The following C3orf20 variants were observed in gnomAD, a reference collection of about 807,000 sequenced individuals.
The protein encoded by C3orf20 is uncharacterized protein C3orf20.
C3orf20 carries 76 observed loss-of-function variants against 88.3 expected under a neutral mutation model. That is an observed-to-expected ratio of 0.86 (90% CI 0.72 to 1.04). The LOEUF (loss-of-function observed/expected upper bound fraction) is 1.04, where lower values mean the gene tolerates loss of function less well. Ranked by LOEUF, C3orf20 falls within the 50% of genes least tolerant of loss-of-function variation. The pLI, the probability that C3orf20 is intolerant of heterozygous loss-of-function variation, is 0.00. For synonymous variants in C3orf20, 436 were observed against 437.4 expected (o/e 1.00, Z 0.04); for missense variants, 1,056 against 1,123.3 (o/e 0.94, Z 0.86).
chr3:14,676,116 CT>C (rs11379457), intron 1 of C3orf20, among the ~76,000 whole-genome samples: 37 of 134,036 alleles, frequency 2.8e-4, no homozygotes, highest in African/African-American at 2.8e-4. Context: ...TCCCCCCCGC[CT>C]TTTTTTTTTT....
intron 15 of C3orf20, among the ~76,000 whole-genome samples, chr3:14,763,906 A>G (rs1365746574): frequency 2.0e-5 from 3 of 152,308 alleles, no homozygotes; most frequent in East Asian, 3.9e-4. Flanking sequence ...AAGGATTCTG[A>G]AAGAACTTAG....
At chr3:14,771,788 G>A (rs993285564) in intron 15 of C3orf20, among the ~76,000 whole-genome samples, 10 of 152,106 alleles carry the variant, frequency 6.6e-5, no homozygotes, top group African/African-American at 1.7e-4. Context: ...GGTCACTTAC[G>A]GAGCCCTCCC....
chr3:14,718,926 C>G (rs2034040169), intron 9 of C3orf20, among the ~76,000 whole-genome samples: 1 of 152,216 alleles, frequency 6.6e-6, no homozygotes, highest in Non-Finnish European at 1.5e-5. Context: ...TCTTTCTACA[C>G]TTTCCTGTGA....
chr3:14,728,752 A>G, intron 12 of C3orf20, 64 bp downstream of exon 12: 1 of 1,559,796 alleles, frequency 6.4e-7, no homozygotes. Context: ...GGCACAGGAT[A>G]GTGAACCCAA....
intron 11 of C3orf20, among the ~76,000 whole-genome samples, chr3:14,727,958 A>G (rs1235690939): frequency 6.6e-6 from 1 of 152,158 alleles, no homozygotes; most frequent in East Asian, 1.9e-4. Flanking sequence ...TGGTGAGTGA[A>G]GAGATGAGAG....
chr3:14,680,809 T>TA (rs920085305), intron 1 of C3orf20, among the ~76,000 whole-genome samples: 6 of 151,892 alleles, frequency 4.0e-5, no homozygotes, highest in Non-Finnish European at 8.8e-5. Context: ...AGTCCTGACT[T>TA]AAAAAAAAAT....
intron 4 of C3orf20, among the ~76,000 whole-genome samples, chr3:14,689,234 C>T (rs565229966): frequency 6.6e-6 from 1 of 152,124 alleles, no homozygotes; most frequent in Non-Finnish European, 1.5e-5. Flanking sequence ...TGAAAGTTGT[C>T]TTAATTTCAA....
intron 12 of C3orf20, among the ~76,000 whole-genome samples, chr3:14,754,036 A>G (rs2035290923): frequency 6.6e-6 from 1 of 152,218 alleles, no homozygotes; most frequent in South Asian, 2.1e-4. Context: ...GAAAGCTTAG[A>G]GTGTTCTCAG....
At chr3:14,722,706 A>C in intron 10 of C3orf20, 1 of 404,978 alleles carries the variant, frequency 2.5e-6, no homozygotes, top group Non-Finnish European at 5.0e-6. Flanking sequence ...CCCAGGGCCC[A>C]GCATGAGGAC....
chr3:14,752,721 A>G (rs2035254062), intron 12 of C3orf20, among the ~76,000 whole-genome samples: 2 of 152,272 alleles, frequency 1.3e-5, no homozygotes, highest in Admixed American at 1.3e-4. Flanking sequence ...TATGCAGCCA[A>G]CAGACATATG....
At chr3:14,695,498 A>G (rs563521741) in intron 5 of C3orf20, among the ~76,000 whole-genome samples, 1 of 152,268 alleles carries the variant, frequency 6.6e-6, no homozygotes, top group East Asian at 1.9e-4. Context: ...GTAAATATCT[A>G]TTAGGCCCAT....
At chr3:14,711,685 G>T (rs2033745197) in intron 7 of C3orf20, among the ~76,000 whole-genome samples, 1 of 141,644 alleles carries the variant, frequency 7.1e-6, no homozygotes, top group African/African-American at 2.6e-5. Context: ...GCCCAGGCTG[G>T]AGTGCAGTGG....
intron 4 of C3orf20, among the ~76,000 whole-genome samples, chr3:14,689,206 T>C (rs1278670939): frequency 6.6e-6 from 1 of 152,194 alleles, no homozygotes; most frequent in East Asian, 1.9e-4. Context: ...TTTTCATTTC[T>C]ACCAAGTTAG....
chr3:14,759,796 G>C (rs2035500827), intron 13 of C3orf20, 95 bp from the exon 14 acceptor site: 1 of 1,005,462 alleles, frequency 9.9e-7, no homozygotes, highest in Admixed American at 1.9e-5. Context: ...AGGGCTCCAG[G>C]ACTCAGGGGG....
At chr3:14,730,287 C>T (rs1399092193) in intron 12 of C3orf20, among the ~76,000 whole-genome samples, 2 of 152,094 alleles carry the variant, frequency 1.3e-5, no homozygotes, top group East Asian at 3.9e-4. Context: ...GTGGCCCACG[C>T]CTGTAATCCC....
chr3:14,706,304 G>C (rs1461517815), intron 7 of C3orf20, among the ~76,000 whole-genome samples: 1 of 151,886 alleles, frequency 6.6e-6, no homozygotes, highest in Non-Finnish European at 1.5e-5. Context: ...TGACTCCTTC[G>C]AGAGCCGCTG....
At chr3:14,753,864 CAAAACAAAAACA>C (rs919202447) in intron 12 of C3orf20, among the ~76,000 whole-genome samples, 3 of 151,994 alleles carry the variant, frequency 2.0e-5, no homozygotes, top group Non-Finnish European at 4.4e-5. Context: ...TATCTGGAGC[CAAAACAAAAACA>C]AAAACAAAAA....
Position 14,772,979 on chromosome 3 carries a change from C to T in C3orf20, c.*104C>T. 2 of 843,468 alleles carry T rather than the reference C, an allele frequency of 2.4e-6. No individual in the cohort carries two copies. The highest frequency in any genetic ancestry group is 2.9e-5 in the South Asian group (2 of 69,806). 52.2% of individuals were successfully genotyped at this position (843,468 alleles called of 1,614,324 possible). On this transcript the variant is annotated 3_prime_UTR_variant, in exon 17 of 17. Transcript: ENST00000253697. This position sits in a 1 kb window ranked among gnomAD's most constrained non-coding sequence, Gnocchi z 4.2. ...CCGGTCTCCCACCCTGTCCTCCAAGCTTCTATAATAAACCAGCGGGCCTCC... is the reference window on the plus strand; with the variant it reads ...CCGGTCTCCCACCCTGTCCTCCAAGTTTCTATAATAAACCAGCGGGCCTCC...
chr3:14,675,986 C>T (rs2031746191), intron 1 of C3orf20, among the ~76,000 whole-genome samples: 1 of 152,144 alleles, frequency 6.6e-6, no homozygotes, highest in Non-Finnish European at 1.5e-5. Context: ...GCCACTGCAC[C>T]CGGCCCTCCA....
Sources: gnomAD v4.1 joint callset for allele counts (sites outside exome capture counted in the v4.1 genomes callset) on GRCh38, gnomAD v4.1.1 for gene constraint, Gnocchi (gnomAD v3.1) non-coding constraint, MANE v1.5 for transcripts, NCBI Gene and HGNC (gene_info 2026-07-23, HGNC 2026-07-21) for gene names.